GREM2: variants seen among roughly 807,000 people sequenced by gnomAD.
The protein encoded by GREM2 is gremlin 2, DAN family BMP antagonist.
Under a neutral mutation model 14.2 loss-of-function variants are expected in GREM2, and 11 were observed. The observed-to-expected ratio is 0.78, with a 90% CI of 0.49 to 1.28. The LOEUF is 1.28. Among genes scored for constraint, GREM2 ranks in the 50% most tolerant of loss-of-function variants. The pLI is 0.00. For missense variants in GREM2, 210 were observed against 218.5 expected, an observed-to-expected ratio of 0.96 and a Z score of 0.24; for synonymous variants, 98 against 97.6, an observed-to-expected ratio of 1.00 and a Z score of -0.02.
intron 1 of GREM2, among the ~76,000 whole-genome samples, chr1:240,579,352 G>A (rs1679435864): frequency 6.6e-6 from 1 of 152,138 alleles, no homozygotes; most frequent in African/African-American, 2.4e-5. Flanking sequence ...ACTAGAAGCA[G>A]CACAGATCTG....
chr1:240,495,797 CA>C (rs1432723502), intron 1 of GREM2, among the ~76,000 whole-genome samples: 4 of 152,150 alleles, frequency 2.6e-5, no homozygotes, highest in African/African-American at 9.7e-5. Flanking sequence ...AAGTCTAAAC[CA>C]CAAGAGGCCT....
At chr1:240,566,601 G>A (rs991893651) in intron 1 of GREM2, among the ~76,000 whole-genome samples, 4 of 152,092 alleles carry the variant, frequency 2.6e-5, no homozygotes, top group African/African-American at 7.2e-5. Flanking sequence ...TCTGGGATTC[G>A]GCTGAATCTG....
At chr1:240,586,776 G>T (rs1679607102) in intron 1 of GREM2, among the ~76,000 whole-genome samples, 1 of 152,182 alleles carries the variant, frequency 6.6e-6, no homozygotes, top group South Asian at 2.1e-4. Flanking sequence ...AAGTTCAAAA[G>T]TGTTGATTTC....
chr1:240,559,672 C>A (rs1679006699), intron 1 of GREM2, among the ~76,000 whole-genome samples: 1 of 152,122 alleles, frequency 6.6e-6, no homozygotes, highest in South Asian at 2.1e-4. Flanking sequence ...TACAAGCTGA[C>A]AAATTACTGG....
Position 240,516,665 on chromosome 1 carries a change from T to A in GREM2, c.-1-23189A>T, listed in dbSNP as rs369368051. ...CTGTTTCTCAGGTTGTAATCTCTTGTCTAGATTTAAACAACAACAACAAAA... is the reference window on the plus strand; with the variant it reads ...CTGTTTCTCAGGTTGTAATCTCTTGACTAGATTTAAACAACAACAACAAAA... On this transcript the variant is annotated intron_variant, in intron 1 of 1. Transcript: ENST00000318160. Among the ~76,000 whole-genome samples the A allele has an allele frequency of 1.6e-4, 24 of 152,284 alleles. No homozygotes were observed. The South Asian group carries it at 4.8e-3, about 30-fold the overall frequency.
chr1:240,564,584 G>A (rs1679139432), intron 1 of GREM2, among the ~76,000 whole-genome samples: 1 of 152,014 alleles, frequency 6.6e-6, no homozygotes, highest in East Asian at 1.9e-4. Context: ...TTTAAGTTGT[G>A]TCAGTCTGTA....
At position 240,490,892 on chromosome 1, in the gene GREM2, T is replaced by C. The variant is rs1325909224; in HGVS notation, c.*2077A>G. ...TTACAATCACGTAAATTTCCTTCCT[T>C]CACAGCTTTTCTGCTGCATGTTCTG... On this transcript the variant is annotated 3_prime_UTR_variant, in exon 2 of 2. Transcript: ENST00000318160. 1 of 152,300 alleles carries C rather than the reference T, an allele frequency of 6.6e-6. No individual in the cohort carries two copies. The highest frequency in any genetic ancestry group is 1.5e-5 in the Non-Finnish European group (1 of 68,076). 9.4% of individuals were successfully genotyped at this position (152,300 alleles called of 1,614,324 possible). A position where few individuals can be genotyped will look rare whatever the true frequency, so the allele number is the denominator to read the frequency against.
Position 240,562,851 on chromosome 1 carries a change from T to C in GREM2, c.-2+49033A>G, listed in dbSNP as rs551558790. 2.7e-5 allele frequency among the ~76,000 whole-genome samples: 4 copies of C among 147,068 alleles called. No individual in the cohort carries two copies. In the East Asian group the frequency reaches 7.9e-4, roughly 29 times the overall value. On this transcript the variant is annotated intron_variant, in intron 1 of 1. Transcript: ENST00000318160. ...GTGAGTGTGTGTATATGAGTGTGTA[T>C]GTGTGTATGTGTATATGTGAGTGTG...
chr1:240,493,153 C>T lies in GREM2; in HGVS notation c.323G>A (p.Arg108Gln). ...YGQCNSFYIP[R>Q]HVKKEEESFQ... ...GGACTCCTCCTCCTTCTTCACGTGC[C>T]GCGGGATGTAGAAGGAGTTGCACTG... Residue 108 changes from arginine (R) to glutamine (Q), a missense_variant, in exon 2 of 2, where the codon CGG becomes CAG. Transcript: ENST00000318160. 6.2e-7 allele frequency: 1 copy of T among 1,614,164 alleles called. No homozygotes were observed. The highest frequency in any genetic ancestry group is 2.2e-5 in the East Asian group (1 of 44,870).
At position 240,493,395 on chromosome 1, in the gene GREM2, C is replaced by G; in HGVS notation, c.81G>C (p.Ala27=). ...CCTTGTAAGGCGAGGGGATGGCGCC[C>G]GCCGGCCGGTTCTTCCGGGCTTCCG... The part of the protein sequence containing the change: ...KVAEARKNRP[A]GAIPSPYKDG... Residue 27 remains alanine (A), a synonymous_variant, in exon 2 of 2, where the codon GCG becomes GCC. Coordinates refer to ENST00000318160, the MANE Select transcript of GREM2 (RefSeq NM_022469.4). 6.2e-7 allele frequency: 1 copy of G among 1,613,504 alleles called. No homozygotes were observed. The highest frequency in any genetic ancestry group is 8.5e-7 in the Non-Finnish European group (1 of 1,179,912).
chr1:240,513,462 C>T (rs1677881532), intron 1 of GREM2, among the ~76,000 whole-genome samples: 1 of 151,598 alleles, frequency 6.6e-6, no homozygotes, highest in Admixed American at 6.6e-5. Flanking sequence ...GTAGTCCCAG[C>T]TACTCGGGAG....
intron 1 of GREM2, among the ~76,000 whole-genome samples, chr1:240,557,344 A>G (rs892179253): frequency 2.6e-5 from 4 of 152,150 alleles, no homozygotes; most frequent in Non-Finnish European, 4.4e-5. Flanking sequence ...CCAGACAGTA[A>G]ACTGAAATAC....
intron 1 of GREM2, among the ~76,000 whole-genome samples, chr1:240,501,371 A>G (rs1356275274): frequency 6.6e-6 from 1 of 152,214 alleles, no homozygotes; most frequent in Non-Finnish European, 1.5e-5. Flanking sequence ...ATTTTGTTCC[A>G]GGAGAAGCTT....
At chr1:240,539,779 C>T (rs2103324372) in intron 1 of GREM2, among the ~76,000 whole-genome samples, 1 of 152,266 alleles carries the variant, frequency 6.6e-6, no homozygotes, top group Non-Finnish European at 1.5e-5. Context: ...TGTAAATTTT[C>T]CAGTAATCTA....
chr1:240,550,843 A>C (rs1459612068), intron 1 of GREM2, among the ~76,000 whole-genome samples: 1 of 152,218 alleles, frequency 6.6e-6, no homozygotes, highest in Non-Finnish European at 1.5e-5. Context: ...TGACATATCC[A>C]ATCAAATGGA....
intron 1 of GREM2, among the ~76,000 whole-genome samples, chr1:240,594,320 A>G (rs1169095414): frequency 2.0e-5 from 3 of 152,196 alleles, no homozygotes; most frequent in Non-Finnish European, 4.4e-5. Flanking sequence ...CTCACTATGC[A>G]ATATTCATGC....
chr1:240,607,677 A>G (rs530365679), intron 1 of GREM2, among the ~76,000 whole-genome samples: 5 of 152,330 alleles, frequency 3.3e-5, no homozygotes, highest in African/African-American at 9.6e-5. Context: ...AGTGGGCCTG[A>G]GGGTGAATAT....
At chr1:240,584,541 A>T (rs919113705) in intron 1 of GREM2, among the ~76,000 whole-genome samples, 1 of 151,650 alleles carries the variant, frequency 6.6e-6, no homozygotes, top group Non-Finnish European at 1.5e-5. Flanking sequence ...TTAAAAATTA[A>T]AAAATAAAAA....
At chr1:240,551,179 A>C (rs1678842107) in intron 1 of GREM2, among the ~76,000 whole-genome samples, 1 of 152,106 alleles carries the variant, frequency 6.6e-6, no homozygotes, top group Non-Finnish European at 1.5e-5. Flanking sequence ...CTGCACTTGG[A>C]TCTTCTCCAT....
Sources: gnomAD v4.1 joint callset for allele counts (sites outside exome capture counted in the v4.1 genomes callset) on GRCh38, gnomAD v4.1.1 for gene constraint, MANE v1.5 for transcripts, NCBI Gene and HGNC (gene_info 2026-07-23, HGNC 2026-07-21) for gene names.